SSR1: variants seen among roughly 807,000 people sequenced by gnomAD.
SSR1 encodes the protein signal sequence receptor subunit 1.
In SSR1, 13 loss-of-function variants were observed where a neutral mutation model predicts 36.1. The observed-to-expected ratio is 0.36, with a 90% CI of 0.23 to 0.57. SSR1 has a LOEUF of 0.57. SSR1 is among the 20% of genes least tolerant of loss of function. The pLI, the probability that SSR1 is intolerant of heterozygous loss-of-function variation, is 0.81. For synonymous variants in SSR1, 113 were observed against 118.9 expected (o/e 0.95, Z 0.32); for missense variants, 291 against 338.5 (o/e 0.86, Z 1.10).
intron 1 of SSR1, among the ~76,000 whole-genome samples, chr6:7,310,574 T>G (rs1046021009): frequency 6.6e-6 from 1 of 152,192 alleles, no homozygotes; most frequent in Non-Finnish European, 1.5e-5. Context: ...ATCCCTGTCA[T>G]TAACCATACA....
In SSR1 at chr6:7,281,898, T is replaced by C. The variant is rs3734582; in HGVS notation, c.*7966A>G. ...TTAGGTCTAAAAATCAGGACTGAAG[T>C]GATCAACAGTTAACAGATGAAGCCA... On this transcript the variant is annotated 3_prime_UTR_variant, in exon 8 of 8. Coordinates refer to ENST00000244763, the MANE Select transcript of SSR1 (RefSeq NM_003144.5). 0.37 allele frequency: 56,275 copies of C among 152,070 alleles called. 10,496 individuals are homozygous for C. The highest frequency in any genetic ancestry group is 0.43 in the South Asian group (2,085 of 4,820). 9.4% of individuals were successfully genotyped at this position (152,070 alleles called of 1,614,324 possible).
intron 1 of SSR1, among the ~76,000 whole-genome samples, chr6:7,310,735 A>AC (rs1758175040): frequency 6.6e-6 from 1 of 150,956 alleles, no homozygotes; most frequent in Admixed American, 6.6e-5. Flanking sequence ...ATACAGAGAA[A>AC]CCCCGCCTCT....
Position 7,301,667 on chromosome 6 carries a change from T to C in SSR1, c.281-95A>G, listed in dbSNP as rs890294539. ...ACTAATGGATTCTGGCACCCTTTCC[T>C]GTGGACTTTGGTGTCAGAATCCCTT... On this transcript the variant is annotated intron_variant, in intron 3 of 7. Coordinates refer to ENST00000244763, the MANE Select transcript of SSR1 (RefSeq NM_003144.5). The C allele has an allele frequency of 1.2e-4, 158 of 1,324,430 alleles. No homozygotes were observed. In the African/African-American group the frequency reaches 2.1e-3, roughly 18 times the overall value. The allele number at this position is 1,324,430 out of a possible 1,614,324, so 82.0% of individuals were successfully genotyped here.
intron 4 of SSR1, among the ~76,000 whole-genome samples, chr6:7,299,868 T>TA (rs1330283456): frequency 6.6e-6 from 1 of 152,182 alleles, no homozygotes; most frequent in African/African-American, 2.4e-5. Flanking sequence ...TTCACAAAGG[T>TA]AGTACATTGT....
At chr6:7,302,432 C>T (rs1757956949) in intron 3 of SSR1, among the ~76,000 whole-genome samples, 1 of 152,164 alleles carries the variant, frequency 6.6e-6, no homozygotes, top group Admixed American at 6.5e-5. Context: ...AGAATATAGC[C>T]CTCAATAAAT....
intron 6 of SSR1, among the ~76,000 whole-genome samples, chr6:7,296,297 G>C (rs1413540605): frequency 2.0e-5 from 3 of 152,148 alleles, no homozygotes; most frequent in Admixed American, 2.0e-4. Context: ...AGTACATGGA[G>C]AGATAACTTA....
chr6:7,297,149 G>A (rs1007589984), intron 6 of SSR1: 3 of 337,222 alleles, frequency 8.9e-6, no homozygotes, highest in South Asian at 4.2e-5. Context: ...GAGCCCCGAA[G>A]GCGGAGGTTG....
At chr6:7,293,940 T>C (rs1418524188) in intron 7 of SSR1, among the ~76,000 whole-genome samples, 1 of 152,204 alleles carries the variant, frequency 6.6e-6, no homozygotes, top group East Asian at 1.9e-4. Context: ...ACAGATTAAA[T>C]AGGCAATATT....
chr6:7,286,000 A>G lies in SSR1; in HGVS notation c.*3864T>C, dbSNP rs1159806191. The G allele has an allele frequency of 1.3e-5, 2 of 152,220 alleles. No homozygotes were observed. Among genetic ancestry groups the G allele is most frequent in the African/African-American group, 4.8e-5 (2 of 41,452 alleles). The allele number at this position is 152,220 out of a possible 1,614,324, so 9.4% of individuals were successfully genotyped here. ...TATATTCATTACTGAGATGATTTGA[A>G]CTTTCCATATTCAATATGGAACCTT... On this transcript the variant is annotated 3_prime_UTR_variant, in exon 8 of 8. Coordinates refer to ENST00000244763, the MANE Select transcript of SSR1 (RefSeq NM_003144.5). The surrounding 1 kb of genome is among the most constrained non-coding windows in gnomAD (Gnocchi z 4.1).
rs1441020643 is a variant in SSR1, at chr6:7,286,063, C to T, written c.*3801G>A. ...TAAATTCAGGTTTTGTCTATTCCATCTACAAAATGGGAACAGTATCACCTT... is the reference window on the plus strand; with the variant it reads ...TAAATTCAGGTTTTGTCTATTCCATTTACAAAATGGGAACAGTATCACCTT... On this transcript the variant is annotated 3_prime_UTR_variant, in exon 8 of 8. Transcript: ENST00000244763. The T allele has an allele frequency of 6.6e-6, 1 of 152,116 alleles. No individual in the cohort carries two copies. The highest frequency in any genetic ancestry group is 1.5e-5 in the Non-Finnish European group (1 of 68,026). The allele number at this position is 152,116 out of a possible 1,614,324, so 9.4% of individuals were successfully genotyped here.
At chr6:7,294,463 G>A (rs1004616536) in intron 7 of SSR1, among the ~76,000 whole-genome samples, 18 of 152,140 alleles carry the variant, frequency 1.2e-4, no homozygotes, top group Admixed American at 9.8e-4. Context: ...CGAGGCTAGC[G>A]GATCACTTGA....
At chr6:7,305,865 C>T (rs962479379) in intron 2 of SSR1, among the ~76,000 whole-genome samples, 1 of 152,186 alleles carries the variant, frequency 6.6e-6, no homozygotes, top group Admixed American at 6.5e-5. Flanking sequence ...ATGTTTGGAA[C>T]ACTGATTGTG....
rs747075048 is a variant in SSR1 at position 7,313,081 on chromosome 6, C to G, written c.40G>C (p.Val14Leu). The G allele has an allele frequency of 2.5e-6, 4 of 1,608,754 alleles. No individual in the cohort carries two copies. Among genetic ancestry groups the G allele is most frequent in the Admixed American group, 1.7e-5 (1 of 59,600 alleles). The change falls in exon 1 of 8, where the codon GTG (valine) becomes CTG (leucine). Residue 14 changes from valine (V) to leucine (L), a missense_variant. Coordinates refer to ENST00000244763, the MANE Select transcript of SSR1 (RefSeq NM_003144.5). The part of the protein sequence containing the change: ...LPRLLLLLLL[V>L]FPATVLFRGG... ...CGGAACAAGACAGTGGCAGGGAACA[C>G]GAGTAAGAGAAGCAGCAGCAAGCGG...
At chr6:7,304,140 A>C (rs1758000347) in intron 2 of SSR1, among the ~76,000 whole-genome samples, 1 of 152,202 alleles carries the variant, frequency 6.6e-6, no homozygotes, top group Non-Finnish European at 1.5e-5. Flanking sequence ...TGCAGATCTA[A>C]TTCAGGTCTA....
chr6:7,292,758 G>C (rs1757711089), intron 7 of SSR1, among the ~76,000 whole-genome samples: 1 of 152,078 alleles, frequency 6.6e-6, no homozygotes, highest in African/African-American at 2.4e-5. Context: ...GTCAAAAGTT[G>C]TTAGCATAGC....
chr6:7,305,102 T>C (rs1758027154), intron 2 of SSR1, among the ~76,000 whole-genome samples: 2 of 152,166 alleles, frequency 1.3e-5, no homozygotes, highest in Non-Finnish European at 1.5e-5. Flanking sequence ...ATGACAGGGA[T>C]AGACAGGAAC....
In SSR1 at chr6:7,312,209, A is replaced by G. The variant is rs186088024; in HGVS notation, c.79+833T>C. 2.4e-3 allele frequency among the ~76,000 whole-genome samples: 359 copies of G among 152,366 alleles called. 1 individual carries two copies. Among genetic ancestry groups the G allele is most frequent in the Non-Finnish European group, 4.4e-3 (299 of 68,032 alleles). ...CAGGAAGTCAAGTTGCCATATTTTT[A>G]TATTCTGCTAAGTTATTTTCACACT... On this transcript the variant is annotated intron_variant, in intron 1 of 7. Transcript: ENST00000244763.
intron 6 of SSR1, 49 bp downstream of exon 6, chr6:7,297,874 C>A: frequency 6.7e-7 from 1 of 1,487,648 alleles, no homozygotes; most frequent in Non-Finnish European, 9.3e-7. Flanking sequence ...TAACTTAGTA[C>A]TTAACAACTT....
intron 7 of SSR1, among the ~76,000 whole-genome samples, chr6:7,290,963 C>T (rs181833157): frequency 1.2e-4 from 16 of 129,584 alleles, no homozygotes; most frequent in Admixed American, 9.1e-4. Context: ...CCACGATCTC[C>T]GCTCTCCACC....
Sources: allele counts gnomAD v4.1 joint callset (sites outside exome capture counted in the v4.1 genomes callset), GRCh38; gene constraint gnomAD v4.1.1; non-coding constraint Gnocchi (gnomAD v3.1); transcripts MANE v1.5; gene names NCBI Gene and HGNC (gene_info 2026-07-23, HGNC 2026-07-21).